The following SLC49A3 variants were observed in gnomAD, a reference collection of about 807,000 sequenced individuals.
The protein encoded by SLC49A3 is solute carrier family 49 member A3.
SLC49A3 carries 50 observed loss-of-function variants against 43.8 expected under a neutral mutation model. That is an observed-to-expected ratio of 1.14 (90% CI 0.91 to 1.45). SLC49A3 has a LOEUF of 1.45. Ranked by LOEUF, SLC49A3 falls within the 40% of genes most tolerant of loss-of-function variation. SLC49A3 has a pLI of 0.00. For missense variants in SLC49A3, 906 were observed against 774.1 expected, an observed-to-expected ratio of 1.17 and a Z score of -2.02; for synonymous variants, 413 against 352.0, an observed-to-expected ratio of 1.17 and a Z score of -1.94.
At position 685,992 on chromosome 4, in the gene SLC49A3, C is replaced by T; in HGVS notation, c.509-81G>A. The T allele has an allele frequency of 6.2e-7, 1 of 1,608,216 alleles. No homozygotes were observed. The highest frequency in any genetic ancestry group is 8.5e-7 in the Non-Finnish European group (1 of 1,177,162). On this transcript the variant is annotated intron_variant, in intron 3 of 9. Coordinates refer to ENST00000322224, the MANE Select transcript of SLC49A3 (RefSeq NM_032219.4). The surrounding 1 kb of genome is among the most constrained non-coding windows in gnomAD (Gnocchi z 4.3). ...GCCCACAGGCAGAACCTTCCGGGCC[C>T]CAGCTCCTCCACCCTGGCCAGAGAG... is the stretch of plus-strand genomic sequence containing the variant.
At chr4:683,518 C>G in intron 7 of SLC49A3, 91 bp downstream of exon 7, 1 of 1,508,404 alleles carries the variant, frequency 6.6e-7, no homozygotes, top group Non-Finnish European at 8.9e-7. Flanking sequence ...ACAGTCCAGA[C>G]CTCTGTTCCA....
downstream of SLC49A3, among the ~76,000 whole-genome samples, chr4:681,478 G>C (rs1385847732): frequency 7.2e-6 from 1 of 138,540 alleles, no homozygotes; most frequent in East Asian, 2.4e-4. Flanking sequence ...CAGCGGGCGA[G>C]ACTAATGCCG....
rs760161129 is a variant in SLC49A3, at chr4:689,053, GGTGCGGTGGC to G, written c.65_74del (p.Gly22AlafsTer81). On this transcript the variant is annotated frameshift_variant, in exon 1 of 10. Coordinates refer to ENST00000322224, the MANE Select transcript of SLC49A3 (RefSeq NM_032219.4). LOFTEE classifies it high-confidence loss of function. ...GCAGGAACACCCAGCGGCGCGCGTA[GGTGCGGTGGC>G]CCCGCTGCGCGCACAGGGCCCGGGG... 4.7e-5 allele frequency: 75 copies of G among 1,583,722 alleles called. No homozygotes were observed. Among genetic ancestry groups the G allele is most frequent in the Non-Finnish European group, 6.4e-5 (75 of 1,168,770 alleles).
At chr4:680,727 C>T (rs1295271190), downstream of SLC49A3, 3 of 844,694 alleles carry the variant, frequency 3.6e-6, no homozygotes, top group Non-Finnish European at 3.7e-6. Context: ...GAGGAGCGAA[C>T]CCAGGATCCC....
rs1740868122 is a variant in SLC49A3, at chr4:685,729, A to G, written c.585+106T>C. 8.0e-7 allele frequency: 1 copy of G among 1,243,540 alleles called. No homozygotes were observed. The highest frequency in any genetic ancestry group is 1.5e-5 in the African/African-American group (1 of 67,134). The allele number at this position is 1,243,540 out of a possible 1,614,324, so 77.0% of individuals were successfully genotyped here. A position where few individuals can be genotyped will look rare whatever the true frequency, so the allele number is the denominator to read the frequency against. On this transcript the variant is annotated intron_variant, in intron 4 of 9. Coordinates refer to ENST00000322224, the MANE Select transcript of SLC49A3 (RefSeq NM_032219.4). This position sits in a 1 kb window ranked among gnomAD's most constrained non-coding sequence, Gnocchi z 4.3. Reference sequence around the variant, plus strand: ...TCGGGTGGCGGGGCGGGGGACGGGAATCACACACGGGCACAGGAACACGGA... The same window carrying G: ...TCGGGTGGCGGGGCGGGGGACGGGAGTCACACACGGGCACAGGAACACGGA...
downstream of SLC49A3, chr4:679,927 C>T (rs761861962): frequency 1.9e-6 from 3 of 1,613,738 alleles, no homozygotes; most frequent in South Asian, 3.3e-5. Context: ...AGACCAACGT[C>T]AAGGACGACG....
rs1259730171 is a variant in SLC49A3, at chr4:685,418, G to C, written c.585+417C>G. Among the ~76,000 whole-genome samples the C allele has an allele frequency of 6.6e-6, 1 of 151,676 alleles. No individual in the cohort carries two copies. The highest frequency in any genetic ancestry group is 1.5e-5 in the Non-Finnish European group (1 of 67,920). On this transcript the variant is annotated intron_variant, in intron 4 of 9. Coordinates refer to ENST00000322224, the MANE Select transcript of SLC49A3 (RefSeq NM_032219.4). This position sits in a 1 kb window ranked among gnomAD's most constrained non-coding sequence, Gnocchi z 4.3. ...GGCAGGCATAGAAACATCACACACT[G>C]GCCGGGCGCGGTGGCTCACGCCTGT... is the stretch of plus-strand genomic sequence containing the variant.
chr4:683,903 G>A, intron 6 of SLC49A3, 142 bp from the exon 7 acceptor site: 3 of 1,116,580 alleles, frequency 2.7e-6, no homozygotes, highest in Non-Finnish European at 2.5e-6. Context: ...ACGCACCGCT[G>A]GCTGCCTGCG....
At chr4:680,462 G>A (rs752065832), downstream of SLC49A3, 26 of 1,596,724 alleles carry the variant, frequency 1.6e-5, no homozygotes, top group Admixed American at 1.7e-4. Context: ...TGGCAGCCAC[G>A]GGACTGCCAC....
rs916127321 is a variant in SLC49A3, at chr4:682,505, G to A, written c.1262-129C>T. 2 of 1,035,018 alleles carry A rather than the reference G, an allele frequency of 1.9e-6. No homozygotes were observed. The highest frequency in any genetic ancestry group is 2.5e-6 in the Non-Finnish European group (2 of 791,592). The allele number at this position is 1,035,018 out of a possible 1,614,324, so 64.1% of individuals were successfully genotyped here. A position where few individuals can be genotyped will look rare whatever the true frequency, so the allele number is the denominator to read the frequency against. The stretch of plus-strand genomic sequence containing the variant: ...GTGACCCCAGACGGAGAGCCCACTC[G>A]CAGCTCTTGACAGCCCTGAGGGGGT... On this transcript the variant is annotated intron_variant, in intron 9 of 9. Coordinates refer to ENST00000322224, the MANE Select transcript of SLC49A3 (RefSeq NM_032219.4).
rs60225564 is a variant in SLC49A3, at chr4:684,780, G to T, written c.662C>A (p.Thr221Asn). 6.2e-7 allele frequency: 1 copy of T among 1,612,600 alleles called. No individual in the cohort carries two copies. The highest frequency in any genetic ancestry group is 8.5e-7 in the Non-Finnish European group (1 of 1,179,904). The change falls in exon 5 of 10, where the codon ACC becomes AAC. Residue 221 changes from threonine to asparagine, a missense_variant. Transcript: ENST00000322224. ...GCTGGCAGCCCCGGCAGAGGGCGGGGTGGGGGGCACACTCTCCCACAGGCA... is the reference window on the plus strand; with the variant it reads ...GCTGGCAGCCCCGGCAGAGGGCGGGTTGGGGGGCACACTCTCCCACAGGCA... ...TICLWESVPP[T>N]PPSAGAASST...
At chr4:684,292 T>C (rs1740526533) in intron 6 of SLC49A3, among the ~76,000 whole-genome samples, 191 bp downstream of exon 6, 1 of 152,144 alleles carries the variant, frequency 6.6e-6, no homozygotes, top group African/African-American at 2.4e-5. Flanking sequence ...CCACTGCAGC[T>C]GTGCCCACCA....
chr4:678,174 G>A, downstream of SLC49A3: 1 of 1,538,248 alleles, frequency 6.5e-7, no homozygotes, highest in Non-Finnish European at 8.8e-7. Flanking sequence ...GCATATGTGT[G>A]TGCATGAGCG....
chr4:684,750 G>A lies in SLC49A3; in HGVS notation c.692C>T (p.Thr231Ile), dbSNP rs376262139. Residue 231 changes from threonine (T) to isoleucine (I), a missense_variant, in exon 5 of 10, where the codon ACC becomes ATC. Thr to Ile is a moderately conservative substitution (Grantham distance 89). Coordinates refer to ENST00000322224, the MANE Select transcript of SLC49A3 (RefSeq NM_032219.4). ...TPPSAGAASS[T>I]SEKFLDGLKL... ...GAGCCCATCCAGGAACTTCTCTGAGGTGGAGCTGGCAGCCCCGGCAGAGGG... is the reference window on the plus strand; with the variant it reads ...GAGCCCATCCAGGAACTTCTCTGAGATGGAGCTGGCAGCCCCGGCAGAGGG... 9 of 1,611,958 alleles carry A rather than the reference G, an allele frequency of 5.6e-6. No homozygotes were observed. Among genetic ancestry groups the A allele is most frequent in the Non-Finnish European group, 7.6e-6 (9 of 1,179,746 alleles).
Position 683,248 on chromosome 4 carries a change from C to A in SLC49A3, c.1113G>T (p.Val371=), listed in dbSNP as rs770286414. The A allele has an allele frequency of 3.1e-6, 5 of 1,612,820 alleles. No individual in the cohort carries two copies. Among genetic ancestry groups the A allele is most frequent in the Non-Finnish European group, 4.2e-6 (5 of 1,179,924 alleles). ...TCATGCCTGTGGCAGCCCCCTCCCC[C>A]ACGGGGAAGGAACACTCGACCGCCA... ...MELAVECSFP[V]GEGAATGMIF... The change falls in exon 8 of 10, where the codon GTG becomes GTT. Residue 371 remains valine (V), a synonymous_variant. Transcript: ENST00000322224.
chr4:686,288 C>T lies in SLC49A3; in HGVS notation c.309G>A (p.Ala103=), dbSNP rs371460109. The T allele has an allele frequency of 9.9e-6, 16 of 1,613,178 alleles. No homozygotes were observed. The highest frequency in any genetic ancestry group is 3.3e-4 in the Middle Eastern group (2 of 6,084). The change falls in exon 3 of 10, where the codon GCG becomes GCA. Residue 103 remains alanine, a synonymous_variant. Coordinates refer to ENST00000322224, the MANE Select transcript of SLC49A3 (RefSeq NM_032219.4). ...VGLRAATILG[A]WLNFAGSVLR... ...GCACACTCCCGGCAAAGTTCAGCCA[C>T]GCACCCAGGATGGTCTGCGAGGAGG...
Position 682,126 on chromosome 4 carries a change from GGGCCCTCTGGGGTCCTCTAGCGA to G in SLC49A3, c.1489_1511del (p.Ser497ArgfsTer40). The G allele has an allele frequency of 1.5e-6, 2 of 1,345,838 alleles. No individual in the cohort carries two copies. The highest frequency in any genetic ancestry group is 2.7e-4 in the Middle Eastern group (1 of 3,640). 83.4% of individuals were successfully genotyped at this position (1,345,838 alleles called of 1,614,324 possible). On this transcript the variant is annotated frameshift_variant, in exon 10 of 10. Coordinates refer to ENST00000322224, the MANE Select transcript of SLC49A3 (RefSeq NM_032219.4). LOFTEE classifies it low-confidence loss of function (END_TRUNC). ...GGTGGCAGGCTGGGTGGGGGCTCCCGGGCCCTCTGGGGTCCTCTAGCGAGGCCCCCCTCGCCGTGCACTCCGGA... is the reference window on the plus strand; with the variant it reads ...GGTGGCAGGCTGGGTGGGGGCTCCCGGGCCCCCCTCGCCGTGCACTCCGGA...
At chr4:689,308 C>T, upstream of SLC49A3, 1 of 357,140 alleles carries the variant, frequency 2.8e-6, no homozygotes, top group East Asian at 4.7e-5. Context: ...TAAAGGAGAC[C>T]CAAAAAAGCG....
Position 685,685 on chromosome 4 carries a change from G to A in SLC49A3, c.585+150C>T, listed in dbSNP as rs981774885. On this transcript the variant is annotated intron_variant, in intron 4 of 9. Transcript: ENST00000322224. The surrounding 1 kb of genome is among the most constrained non-coding windows in gnomAD (Gnocchi z 4.3). ...CGCGCCACTGCAATTCAGCCTGAGC[G>A]ACAGGCTGAGACTCCTTCTCGGGTG... 40 of 784,068 alleles carry A rather than the reference G, an allele frequency of 5.1e-5. No homozygotes were observed. The highest frequency in any genetic ancestry group is 7.7e-5 in the Non-Finnish European group (37 of 479,906). The allele number at this position is 784,068 out of a possible 1,614,324, so 48.6% of individuals were successfully genotyped here. A position where few individuals can be genotyped will look rare whatever the true frequency, so the allele number is the denominator to read the frequency against.
Sources: gnomAD v4.1 joint callset for allele counts (sites outside exome capture counted in the v4.1 genomes callset) on GRCh38, gnomAD v4.1.1 for gene constraint, Gnocchi (gnomAD v3.1) non-coding constraint, MANE v1.5 for transcripts, NCBI Gene and HGNC (gene_info 2026-07-23, HGNC 2026-07-21) for gene names.